The following CA10 variants were observed in gnomAD, a reference collection of about 807,000 sequenced individuals.
The protein encoded by CA10 is carbonic anhydrase-related protein 10.
Under a neutral mutation model 44.2 loss-of-function variants are expected in CA10, and 14 were observed. The observed-to-expected ratio is 0.32, with a 90% CI of 0.21 to 0.50. The LOEUF is 0.50. CA10 is among the 20% of genes least tolerant of loss of function. The probability of loss-of-function intolerance (pLI) is 0.99; values close to 1 mark genes in which losing one functional copy is unlikely to be tolerated. For missense variants in CA10, 350 were observed against 409.7 expected, an observed-to-expected ratio of 0.85 and a Z score of 1.26; for synonymous variants, 159 against 141.6, an observed-to-expected ratio of 1.12 and a Z score of -0.87.
intron 3 of CA10, among the ~76,000 whole-genome samples, chr17:51,791,400 A>G (rs915215582): frequency 6.6e-6 from 1 of 152,236 alleles, no homozygotes. Context: ...CTGTATATTC[A>G]TTTTGATTGG....
intron 1 of CA10, among the ~76,000 whole-genome samples, chr17:52,130,001 G>A (rs1009985129): frequency 1.3e-5 from 2 of 152,042 alleles, no homozygotes; most frequent in African/African-American, 4.8e-5. Context: ...CTGAATAGAC[G>A]TTTTTCAAAA....
intron 4 of CA10, among the ~76,000 whole-genome samples, chr17:51,695,247 A>G (rs1915361521): frequency 6.6e-6 from 1 of 151,958 alleles, no homozygotes; most frequent in African/African-American, 2.4e-5. Context: ...TTTGGGCAGT[A>G]TGGCCATTTT....
intron 4 of CA10, among the ~76,000 whole-genome samples, chr17:51,707,675 G>GTGTGTGTGTGTGTGTA (rs1915804835): frequency 6.6e-6 from 1 of 150,572 alleles, no homozygotes; most frequent in Admixed American, 6.6e-5. Flanking sequence ...ATGAATATGT[G>GTGTGTGTGTGTGTGTA]TGTGTGTGTG....
chr17:52,041,907 A>G (rs981463820), intron 2 of CA10, among the ~76,000 whole-genome samples: 1 of 152,054 alleles, frequency 6.6e-6, no homozygotes, highest in Non-Finnish European at 1.5e-5. Flanking sequence ...TGTCGTGGCA[A>G]GTGACAGGAT....
At chr17:51,845,933 C>T (rs999906177) in intron 3 of CA10, among the ~76,000 whole-genome samples, 1 of 152,202 alleles carries the variant, frequency 6.6e-6, no homozygotes. Flanking sequence ...CTAACATTGG[C>T]ATTCTACCCA....
chr17:51,783,298 C>A (rs916627773), intron 3 of CA10, among the ~76,000 whole-genome samples: 1 of 152,178 alleles, frequency 6.6e-6, no homozygotes, highest in Admixed American at 6.5e-5. Context: ...TTGCTCTATT[C>A]TCAAAATGTA....
intron 3 of CA10, among the ~76,000 whole-genome samples, chr17:51,831,506 T>C (rs1908238437): frequency 1.3e-5 from 2 of 152,142 alleles, no homozygotes; most frequent in African/African-American, 4.8e-5. Flanking sequence ...TGAGTTTACT[T>C]TTTATCTTAA....
At chr17:52,108,174 TA>T (rs1988701110) in intron 1 of CA10, among the ~76,000 whole-genome samples, 1 of 140,948 alleles carries the variant, frequency 7.1e-6, no homozygotes, top group Non-Finnish European at 1.5e-5. Flanking sequence ...ATTTTTAATA[TA>T]TTTTTATATA....
At chr17:51,677,131 A>G (rs1327618155) in intron 4 of CA10, among the ~76,000 whole-genome samples, 4 of 152,210 alleles carry the variant, frequency 2.6e-5, no homozygotes, top group Non-Finnish European at 5.9e-5. Flanking sequence ...AAAATGGGTT[A>G]ATAATATCTA....
intron 3 of CA10, among the ~76,000 whole-genome samples, chr17:51,841,815 G>T (rs768640596): frequency 2.4e-4 from 37 of 152,084 alleles, no homozygotes; most frequent in Non-Finnish European, 2.6e-4. Context: ...CTCCAGGGAG[G>T]GTATATTAGG....
chr17:52,092,944 C>G (rs1399970299), intron 1 of CA10, among the ~76,000 whole-genome samples: 1 of 152,098 alleles, frequency 6.6e-6, no homozygotes, highest in Non-Finnish European at 1.5e-5. Flanking sequence ...TTGATAGGTT[C>G]TTAGAAACTG....
At chr17:51,728,642 A>T (rs1475546879) in intron 4 of CA10, among the ~76,000 whole-genome samples, 1 of 152,170 alleles carries the variant, frequency 6.6e-6, no homozygotes, top group African/African-American at 2.4e-5. Flanking sequence ...CATCAGAGGT[A>T]CCCAATATCC....
chr17:51,985,220 C>A (rs1265885187), intron 2 of CA10, among the ~76,000 whole-genome samples: 1 of 151,744 alleles, frequency 6.6e-6, no homozygotes, highest in Non-Finnish European at 1.5e-5. Flanking sequence ...AATATGCAAG[C>A]CAATAAATGT....
At chr17:51,713,978 T>G (rs1916019534) in intron 4 of CA10, among the ~76,000 whole-genome samples, 1 of 152,206 alleles carries the variant, frequency 6.6e-6, no homozygotes, top group African/African-American at 2.4e-5. Flanking sequence ...AAACTAATCC[T>G]TAAATTAACT....
At chr17:51,743,511 A>G (rs1193450180) in intron 4 of CA10, among the ~76,000 whole-genome samples, 1 of 152,234 alleles carries the variant, frequency 6.6e-6, no homozygotes, top group Admixed American at 6.5e-5. Context: ...TGTGTAGGAC[A>G]TGAGTAATTT....
chr17:51,938,233 G>A (rs561253651), intron 2 of CA10, among the ~76,000 whole-genome samples: 15 of 152,278 alleles, frequency 9.9e-5, no homozygotes, highest in African/African-American at 3.4e-4. Context: ...CTAGCATAAT[G>A]TTGGCTCTAT....
rs550148133 is a variant in CA10, at chr17:51,719,877, C to A, written c.465+27756G>T. Among the ~76,000 whole-genome samples, 34 of 151,962 alleles carry A rather than the reference C, an allele frequency of 2.2e-4. 2 individuals are homozygous for A. Among genetic ancestry groups the A allele is most frequent in the Admixed American group, 2.0e-3 (30 of 15,250 alleles). On this transcript the variant is annotated intron_variant, in intron 4 of 8. Transcript: ENST00000451037. ...TGCAGCCTGGGTGGCAGAGCCAGGG[C>A]CTGTCACAAAAAAACAAAACAAAAC...
At chr17:51,710,052 T>A (rs1672114480) in intron 4 of CA10, among the ~76,000 whole-genome samples, 1 of 152,204 alleles carries the variant, frequency 6.6e-6, no homozygotes, top group Non-Finnish European at 1.5e-5. Flanking sequence ...CAAATTGTGT[T>A]AAAACTGCCA....
At chr17:51,702,164 G>A (rs1422567154) in intron 4 of CA10, among the ~76,000 whole-genome samples, 1 of 152,140 alleles carries the variant, frequency 6.6e-6, no homozygotes, top group Non-Finnish European at 1.5e-5. Context: ...TTATGTGCCA[G>A]GCATTGTGAG....
Sources: gnomAD v4.1 joint callset for allele counts (sites outside exome capture counted in the v4.1 genomes callset) on GRCh38, gnomAD v4.1.1 for gene constraint, MANE v1.5 for transcripts, NCBI Gene and HGNC (gene_info 2026-07-23, HGNC 2026-07-21) for gene names.